THSD4: variants seen among roughly 807,000 people sequenced by gnomAD.
THSD4 encodes the protein thrombospondin type 1 domain containing 4.
THSD4 carries 69 observed loss-of-function variants against 119.0 expected under a neutral mutation model. The observed-to-expected ratio is 0.58, with a 90% CI of 0.48 to 0.71. The LOEUF is 0.71. Ranked by LOEUF, THSD4 falls within the 30% of genes least tolerant of loss-of-function variation. The pLI, the probability that THSD4 is intolerant of heterozygous loss-of-function variation, is 0.00. For missense variants in THSD4, 1,393 were observed against 1,391.1 expected, an observed-to-expected ratio of 1.00 and a Z score of -0.02; for synonymous variants, 524 against 540.4, an observed-to-expected ratio of 0.97 and a Z score of 0.42.
rs535128453 is a variant in THSD4 at position 71,280,700 on chromosome 15, C to T, written c.1015+23985C>T. Reference sequence around the variant, plus strand: ...TTCCTTTCTCACTCACCCAGTCCCTCCCTCACTCTTTGCCCTGTTCTGTCT... The same window carrying T: ...TTCCTTTCTCACTCACCCAGTCCCTTCCTCACTCTTTGCCCTGTTCTGTCT... On this transcript the variant is annotated intron_variant, in intron 6 of 17. Transcript: ENST00000261862. Among the ~76,000 whole-genome samples the T allele has an allele frequency of 4.6e-5, 7 of 152,038 alleles. No individual in the cohort carries two copies. In the East Asian group the frequency reaches 1.2e-3, roughly 25 times the overall value.
At chr15:71,556,097 G>A (rs1470453667) in intron 7 of THSD4, among the ~76,000 whole-genome samples, 1 of 151,996 alleles carries the variant, frequency 6.6e-6, no homozygotes, top group Non-Finnish European at 1.5e-5. Flanking sequence ...ATTATTCTTT[G>A]GGAGTGTCTT....
At chr15:71,433,622 G>A (rs1380372542) in intron 7 of THSD4, among the ~76,000 whole-genome samples, 1 of 152,118 alleles carries the variant, frequency 6.6e-6, no homozygotes, top group Non-Finnish European at 1.5e-5. Context: ...TGGGCACACA[G>A]GTGGCTATGA....
intron 6 of THSD4, among the ~76,000 whole-genome samples, chr15:71,400,539 G>T (rs368763809): frequency 6.6e-6 from 1 of 152,278 alleles, no homozygotes; most frequent in East Asian, 1.9e-4. Flanking sequence ...GCAATAATAC[G>T]TAGATAATGC....
At chr15:71,168,702 C>A (rs374131336) in intron 3 of THSD4, among the ~76,000 whole-genome samples, 3 of 152,088 alleles carry the variant, frequency 2.0e-5, no homozygotes, top group East Asian at 3.9e-4. Flanking sequence ...ACTATTAATG[C>A]GGTAGGATGT....
At position 71,402,523 on chromosome 15, in the gene THSD4, G is replaced by C. The variant is rs556647871; in HGVS notation, c.1016-9164G>C. Among the ~76,000 whole-genome samples, 10 of 152,296 alleles carry C rather than the reference G, an allele frequency of 6.6e-5. No homozygotes were observed. The South Asian group carries it at 1.9e-3, about 28-fold the overall frequency. On this transcript the variant is annotated intron_variant, in intron 6 of 17. Transcript: ENST00000261862. ...GATGTGGGAGGCAGGATTGGACAGA[G>C]GGGAAGTTGGGCTGTGATGCAGTCA...
intron 7 of THSD4, among the ~76,000 whole-genome samples, chr15:71,652,905 T>C (rs145699154): frequency 3.3e-4 from 51 of 152,362 alleles, no homozygotes; most frequent in African/African-American, 1.1e-3. Context: ...TTGATCTTCA[T>C]TGATTCCTGT....
chr15:71,135,991 GTT>G (rs10540241), intron 1 of THSD4, among the ~76,000 whole-genome samples: 2,858 of 69,070 alleles, frequency 0.041, 61 homozygotes, highest in African/African-American at 0.086. Flanking sequence ...GTTTAGTTTA[GTT>G]TTTTTTTTTT....
At chr15:71,223,705 A>G (rs2043992731) in intron 4 of THSD4, among the ~76,000 whole-genome samples, 1 of 152,204 alleles carries the variant, frequency 6.6e-6, no homozygotes, top group Admixed American at 6.5e-5. Context: ...CTGATGAGGA[A>G]ACAGCTCAGG....
At chr15:71,735,876 G>GTCTCTGTCTCTCTGTCTC (rs1567126819) in intron 10 of THSD4, among the ~76,000 whole-genome samples, 3 of 108,010 alleles carry the variant, frequency 2.8e-5, no homozygotes, top group Non-Finnish European at 3.9e-5. Context: ...GTTGCTTTCT[G>GTCTCTGTCTCTCTGTCTC]TCTCTGTCTC....
intron 8 of THSD4, among the ~76,000 whole-genome samples, chr15:71,681,260 A>G (rs2051770160): frequency 6.6e-6 from 1 of 152,146 alleles, no homozygotes; most frequent in Non-Finnish European, 1.5e-5. Flanking sequence ...AAATTAGTCC[A>G]GGATTATATG....
At chr15:71,746,440 G>A (rs2053339195) in intron 12 of THSD4, among the ~76,000 whole-genome samples, 1 of 152,078 alleles carries the variant, frequency 6.6e-6, no homozygotes. Flanking sequence ...CATTGCCCAG[G>A]CTGGAGTGCA....
At chr15:71,470,324 T>C (rs2047557583) in intron 7 of THSD4, among the ~76,000 whole-genome samples, 1 of 152,170 alleles carries the variant, frequency 6.6e-6, no homozygotes, top group Non-Finnish European at 1.5e-5. Context: ...CCAATAAAAT[T>C]GAGAATTTTT....
chr15:71,125,654 C>T (rs796679275), intron 1 of THSD4, among the ~76,000 whole-genome samples: 8 of 152,156 alleles, frequency 5.3e-5, no homozygotes, highest in Non-Finnish European at 8.8e-5. Flanking sequence ...CCGAAGAAGG[C>T]GCCTCCAGCT....
At chr15:71,351,570 AT>A (rs2045744052) in intron 6 of THSD4, among the ~76,000 whole-genome samples, 1 of 152,196 alleles carries the variant, frequency 6.6e-6, no homozygotes. Context: ...CAAATCTTTT[AT>A]AACTTCAAAA....
chr15:71,447,209 C>T (rs1462263679), intron 7 of THSD4, among the ~76,000 whole-genome samples: 1 of 148,394 alleles, frequency 6.7e-6, no homozygotes, highest in African/African-American at 2.5e-5. Context: ...CAATCTCCAC[C>T]TCTTGGGTTC....
intron 1 of THSD4, among the ~76,000 whole-genome samples, chr15:71,100,309 A>G (rs1015256930): frequency 3.3e-5 from 5 of 152,184 alleles, no homozygotes; most frequent in Admixed American, 6.5e-5. Flanking sequence ...GTTTTTCTCC[A>G]TAGACTCACT....
intron 7 of THSD4, among the ~76,000 whole-genome samples, chr15:71,513,396 G>C (rs1248515656): frequency 6.6e-6 from 1 of 152,136 alleles, no homozygotes; most frequent in Non-Finnish European, 1.5e-5. Flanking sequence ...CTTGTATTTA[G>C]AATATGGAAA....
intron 7 of THSD4, among the ~76,000 whole-genome samples, chr15:71,522,538 G>A (rs891020161): frequency 4.6e-5 from 7 of 152,178 alleles, no homozygotes; most frequent in Non-Finnish European, 8.8e-5. Flanking sequence ...GAAAAGTATT[G>A]CTCACTGATT....
chr15:71,390,645 G>A (rs187212399), intron 6 of THSD4, among the ~76,000 whole-genome samples: 2 of 152,190 alleles, frequency 1.3e-5, no homozygotes, highest in Admixed American at 1.3e-4. Flanking sequence ...GCTCTGCCCT[G>A]AGGAGTAGTT....
Sources: allele counts gnomAD v4.1 joint callset (sites outside exome capture counted in the v4.1 genomes callset), GRCh38; gene constraint gnomAD v4.1.1; transcripts MANE v1.5; gene names NCBI Gene and HGNC (gene_info 2026-07-23, HGNC 2026-07-21).